Variants in ADAMTSL1 observed in about 807,000 individuals in gnomAD.
ADAMTSL1 encodes ADAMTS-like protein 1.
Under a neutral mutation model 201.8 loss-of-function variants are expected in ADAMTSL1, and 126 were observed. That is an observed-to-expected ratio of 0.62 (90% confidence interval 0.54 to 0.72). The LOEUF (loss-of-function observed/expected upper bound fraction) is 0.72, where lower values mean the gene tolerates loss of function less well. ADAMTSL1 is among the 30% of genes least tolerant of loss of function. ADAMTSL1 has a pLI of 0.00. For synonymous variants in ADAMTSL1, 1,121 were observed against 903.4 expected (o/e 1.24, Z -4.32); for missense variants, 2,679 against 2,277.8 (o/e 1.18, Z -3.59).
chr9:18,694,642 C>A (rs1831439686), intron 13 of ADAMTSL1, among the ~76,000 whole-genome samples: 1 of 152,130 alleles, frequency 6.6e-6, no homozygotes, highest in Non-Finnish European at 1.5e-5. Flanking sequence ...AAGGGGTGGG[C>A]TCCAAAGGCC....
At chr9:18,216,363 G>C (rs1288127531) in intron 2 of ADAMTSL1, among the ~76,000 whole-genome samples, 1 of 152,208 alleles carries the variant, frequency 6.6e-6, no homozygotes, top group Non-Finnish European at 1.5e-5. Flanking sequence ...AGGCTGGAAG[G>C]AGAAATTCTG....
intron 1 of ADAMTSL1, among the ~76,000 whole-genome samples, chr9:18,121,955 T>C (rs1377913339): frequency 6.6e-6 from 1 of 152,172 alleles, no homozygotes; most frequent in Non-Finnish European, 1.5e-5. Context: ...CACCACTGAC[T>C]TACTTTCTGT....
chr9:18,059,938 A>G (rs1389589605), intron 1 of ADAMTSL1, among the ~76,000 whole-genome samples: 4 of 152,120 alleles, frequency 2.6e-5, no homozygotes, highest in Admixed American at 2.6e-4. Flanking sequence ...TTTAAAAAAA[A>G]CTTCAATTTT....
At chr9:18,273,330 G>A (rs144590766) in intron 2 of ADAMTSL1, among the ~76,000 whole-genome samples, 162 of 79,220 alleles carry the variant, frequency 2.0e-3, no homozygotes, top group African/African-American at 5.5e-3. Context: ...ATCCGCCCGC[G>A]TTGGCCTCTC....
At chr9:18,088,015 G>A (rs1405843886) in intron 1 of ADAMTSL1, among the ~76,000 whole-genome samples, 3 of 151,996 alleles carry the variant, frequency 2.0e-5, no homozygotes, top group Admixed American at 6.6e-5. Flanking sequence ...ATATTACAAA[G>A]CTATAGTAAT....
chr9:18,314,068 G>A (rs747826995), intron 2 of ADAMTSL1, among the ~76,000 whole-genome samples: 1 of 152,116 alleles, frequency 6.6e-6, no homozygotes, highest in Non-Finnish European at 1.5e-5. Flanking sequence ...ACGCCAACAG[G>A]TATGTGAGAA....
intron 7 of ADAMTSL1, among the ~76,000 whole-genome samples, chr9:18,648,333 C>T (rs1827955951): frequency 6.7e-6 from 1 of 150,070 alleles, no homozygotes; most frequent in African/African-American, 2.4e-5. Context: ...GGTCTTGACT[C>T]TTTATCCAAT....
In ADAMTSL1 at chr9:18,810,553, T is replaced by G. The variant is rs556484219; in HGVS notation, c.3806-6556T>G. Among the ~76,000 whole-genome samples the G allele has an allele frequency of 1.7e-3, 261 of 152,336 alleles. 1 individual carries two copies. Among genetic ancestry groups the G allele is most frequent in the African/African-American group, 6.1e-3 (252 of 41,578 alleles). On this transcript the variant is annotated intron_variant, in intron 20 of 28. Coordinates refer to ENST00000380548, the MANE Select transcript of ADAMTSL1 (RefSeq NM_001040272.6). ...GAAAGCAGAGAAGAGTGAATATCAC[T>G]GTAGAATATCCTGCCTGTAACATGG...
intron 4 of ADAMTSL1, among the ~76,000 whole-genome samples, chr9:18,617,076 C>T (rs1825740693): frequency 6.6e-6 from 1 of 152,138 alleles, no homozygotes; most frequent in Non-Finnish European, 1.5e-5. Context: ...AAATAGAAAG[C>T]TTTAAAAGTT....
At chr9:18,513,735 TC>T (rs1818181031) in intron 2 of ADAMTSL1, among the ~76,000 whole-genome samples, 1 of 152,228 alleles carries the variant, frequency 6.6e-6, no homozygotes, top group Admixed American at 6.5e-5. Context: ...CCAGCACCTT[TC>T]CCCATTGTGT....
chr9:18,561,172 G>A (rs1047273102), intron 3 of ADAMTSL1, among the ~76,000 whole-genome samples: 16 of 152,140 alleles, frequency 1.1e-4, no homozygotes, highest in African/African-American at 3.9e-4. Flanking sequence ...GGCATTTAGT[G>A]CTATAAATTT....
intron 14 of ADAMTSL1, among the ~76,000 whole-genome samples, chr9:18,708,545 C>G (rs1832357695): frequency 1.3e-5 from 2 of 152,138 alleles, no homozygotes; most frequent in African/African-American, 4.8e-5. Context: ...GTTAAATAAG[C>G]TTTGGTGATC....
chr9:18,589,155 G>A (rs1235328030), intron 4 of ADAMTSL1, among the ~76,000 whole-genome samples: 1 of 151,824 alleles, frequency 6.6e-6, no homozygotes, highest in Non-Finnish European at 1.5e-5. Context: ...GGGATTACAG[G>A]CATGAGTTGC....
chr9:18,391,262 T>A (rs1366681156), intron 2 of ADAMTSL1, among the ~76,000 whole-genome samples: 1 of 152,236 alleles, frequency 6.6e-6, no homozygotes, highest in Non-Finnish European at 1.5e-5. Context: ...CTTGGCCTTT[T>A]CAAGTTTTAG....
chr9:18,345,070 T>C (rs981041061), intron 2 of ADAMTSL1, among the ~76,000 whole-genome samples: 3 of 152,148 alleles, frequency 2.0e-5, no homozygotes, highest in Non-Finnish European at 2.9e-5. Context: ...TTTGGTCTGA[T>C]CATCCAGAGA....
intron 1 of ADAMTSL1, among the ~76,000 whole-genome samples, chr9:17,917,939 A>T (rs928919066): frequency 2.6e-5 from 4 of 151,888 alleles, no homozygotes; most frequent in African/African-American, 9.7e-5. Context: ...TAACTTGTTG[A>T]ATTCATTGGT....
At chr9:18,347,976 G>A (rs1340293559) in intron 2 of ADAMTSL1, among the ~76,000 whole-genome samples, 1 of 152,158 alleles carries the variant, frequency 6.6e-6, no homozygotes, top group Non-Finnish European at 1.5e-5. Context: ...GTTGAATTTG[G>A]TTAAAGGGAA....
At chr9:18,737,150 C>A (rs994130617) in intron 15 of ADAMTSL1, among the ~76,000 whole-genome samples, 1 of 151,936 alleles carries the variant, frequency 6.6e-6, no homozygotes, top group Non-Finnish European at 1.5e-5. Context: ...GAAACCTTGT[C>A]TCTACTAAAA....
At chr9:18,555,666 T>C (rs1477279341) in intron 3 of ADAMTSL1, among the ~76,000 whole-genome samples, 1 of 151,918 alleles carries the variant, frequency 6.6e-6, no homozygotes, top group African/African-American at 2.4e-5. Flanking sequence ...TCACACAGGC[T>C]GAGAATAGGG....
Sources: allele counts gnomAD v4.1 joint callset (sites outside exome capture counted in the v4.1 genomes callset), GRCh38; gene constraint gnomAD v4.1.1; transcripts MANE v1.5; gene names NCBI Gene and HGNC (gene_info 2026-07-23, HGNC 2026-07-21).